DNM3: variants seen among roughly 807,000 people sequenced by gnomAD.
DNM3 encodes dynamin 3, also known as dynamin-3.
DNM3 carries 47 observed loss-of-function variants against 101.6 expected under a neutral mutation model. The ratio of observed to expected loss-of-function variants is 0.46; its 90% CI spans 0.37 to 0.59. The LOEUF is 0.59. Ranked by LOEUF, DNM3 falls within the 20% of genes least tolerant of loss-of-function variation. The pLI, the probability that DNM3 is intolerant of heterozygous loss-of-function variation, is 0.00. For missense variants in DNM3, 849 were observed against 1,085.7 expected (o/e 0.78, Z 3.06); for synonymous variants, 385 against 387.9 (o/e 0.99, Z 0.09).
At chr1:172,089,270 A>C (rs914232258) in intron 12 of DNM3, among the ~76,000 whole-genome samples, 1 of 152,210 alleles carries the variant, frequency 6.6e-6, no homozygotes, top group Admixed American at 6.5e-5. Context: ...AACAAGAACT[A>C]TACCTTATTC....
intron 15 of DNM3, among the ~76,000 whole-genome samples, chr1:172,305,017 A>T (rs563273290): frequency 1.1e-4 from 17 of 152,372 alleles, no homozygotes; most frequent in African/African-American, 4.1e-4. Flanking sequence ...GCAGAAGGCA[A>T]GAAATAACTA....
At chr1:172,065,103 A>G (rs1264491368) in intron 10 of DNM3, among the ~76,000 whole-genome samples, 1 of 152,136 alleles carries the variant, frequency 6.6e-6, no homozygotes, top group Non-Finnish European at 1.5e-5. Context: ...ACTTCATGGG[A>G]TATTCTTGTC....
chr1:172,263,118 T>C (rs1180285343), intron 15 of DNM3, among the ~76,000 whole-genome samples: 3 of 152,232 alleles, frequency 2.0e-5, no homozygotes, highest in Non-Finnish European at 4.4e-5. Flanking sequence ...TCATTATCAA[T>C]AGATTGTAGA....
intron 17 of DNM3, among the ~76,000 whole-genome samples, chr1:172,356,095 A>G (rs1011939236): frequency 6.6e-5 from 10 of 152,104 alleles, no homozygotes; most frequent in Non-Finnish European, 1.5e-4. Flanking sequence ...CTGAATACCT[A>G]GTTAAAGGAT....
chr1:172,055,364 A>G (rs1478405735), intron 10 of DNM3, among the ~76,000 whole-genome samples: 1 of 152,128 alleles, frequency 6.6e-6, no homozygotes, highest in African/African-American at 2.4e-5. Flanking sequence ...TGCCCCATAA[A>G]GCAGAGTCTT....
In DNM3 at chr1:172,137,343, G is replaced by A. The variant is rs550043493; in HGVS notation, c.1659+6055G>A. On this transcript the variant is annotated intron_variant, in intron 14 of 20. Transcript: ENST00000627582. ...TTTATTTAAGGCAAAAATCTGCATC[G>A]TGCAATGTATCTTGCAGAAGCAGAG... 3.3e-5 allele frequency: 5 copies of A among 152,220 alleles called. No homozygotes were observed. The South Asian group carries it at 6.2e-4, about 19-fold the overall frequency. The allele number at this position is 152,220 out of a possible 1,614,324, so 9.4% of individuals were successfully genotyped here.
At chr1:171,964,703 G>T (rs560378694) in intron 2 of DNM3, among the ~76,000 whole-genome samples, 1 of 152,040 alleles carries the variant, frequency 6.6e-6, no homozygotes, top group Non-Finnish European at 1.5e-5. Context: ...TTGATTCATG[G>T]TATTCTACCA....
At position 172,136,390 on chromosome 1, in the gene DNM3, A is replaced by G. The variant is rs549868579; in HGVS notation, c.1659+5102A>G. 3.9e-5 allele frequency: 6 copies of G among 152,234 alleles called. No individual in the cohort carries two copies. In the South Asian group the frequency reaches 1.2e-3, roughly 32 times the overall value. 9.4% of individuals were successfully genotyped at this position (152,234 alleles called of 1,614,324 possible). A position where few individuals can be genotyped will look rare whatever the true frequency, so the allele number is the denominator to read the frequency against. On this transcript the variant is annotated intron_variant, in intron 14 of 20. Coordinates refer to ENST00000627582, the MANE Select transcript of DNM3 (RefSeq NM_015569.5). ...TTCACTTATACTTTTAAGATTGTGC[A>G]TATTTCCTACCAGATCTGCACACTC...
At chr1:172,149,342 C>T (rs1195228628) in intron 14 of DNM3, among the ~76,000 whole-genome samples, 1 of 152,112 alleles carries the variant, frequency 6.6e-6, no homozygotes, top group Non-Finnish European at 1.5e-5. Context: ...TAGCATAATA[C>T]ATCCAGCAGA....
At chr1:172,387,742 AAACCAAGATGGACCT>A (rs2069277631) in intron 19 of DNM3, among the ~76,000 whole-genome samples, 1 of 151,958 alleles carries the variant, frequency 6.6e-6, no homozygotes, top group Non-Finnish European at 1.5e-5. Flanking sequence ...GTGCTTTCCT[AAACCAAGATGGACCT>A]ACAGAAAAAG....
At chr1:172,055,994 A>G (rs990899594) in intron 10 of DNM3, among the ~76,000 whole-genome samples, 1 of 152,170 alleles carries the variant, frequency 6.6e-6, no homozygotes, top group African/African-American at 2.4e-5. Context: ...TGCACCGTGC[A>G]CGAGCCGAAG....
At chr1:172,052,049 C>T (rs1001088760) in intron 10 of DNM3, among the ~76,000 whole-genome samples, 1 of 152,140 alleles carries the variant, frequency 6.6e-6, no homozygotes, top group African/African-American at 2.4e-5. Flanking sequence ...CCTGTGTTCT[C>T]CATGATAATG....
chr1:172,116,031 T>C (rs959076017), intron 13 of DNM3, among the ~76,000 whole-genome samples: 8 of 152,230 alleles, frequency 5.3e-5, no homozygotes, highest in African/African-American at 1.9e-4. Flanking sequence ...GATGGATGGA[T>C]GGATGGATCT....
chr1:171,923,108 T>C (rs1036734050), intron 2 of DNM3, among the ~76,000 whole-genome samples: 1 of 152,212 alleles, frequency 6.6e-6, no homozygotes. Flanking sequence ...TGTTTAATTG[T>C]TTAAGGAACT....
At chr1:172,313,574 C>T (rs2065171380) in intron 16 of DNM3, among the ~76,000 whole-genome samples, 1 of 152,190 alleles carries the variant, frequency 6.6e-6, no homozygotes, top group African/African-American at 2.4e-5. Flanking sequence ...AATCCACTCA[C>T]AGTTGGATCC....
chr1:172,191,751 C>G (rs969602759), intron 14 of DNM3, among the ~76,000 whole-genome samples: 2 of 151,990 alleles, frequency 1.3e-5, no homozygotes, highest in Non-Finnish European at 2.9e-5. Context: ...AAGTTGGATT[C>G]CTAGGTATTT....
chr1:171,972,590 C>T (rs935056909), intron 2 of DNM3, among the ~76,000 whole-genome samples: 3 of 152,188 alleles, frequency 2.0e-5, no homozygotes, highest in African/African-American at 4.8e-5. Context: ...TGGCTTATGC[C>T]TGTAATCCCA....
chr1:172,026,731 T>C (rs1001241099), intron 4 of DNM3, among the ~76,000 whole-genome samples: 34 of 151,932 alleles, frequency 2.2e-4, no homozygotes, highest in Admixed American at 2.0e-4. Flanking sequence ...GTTGGCTCAC[T>C]GCAAGCTCCG....
intron 2 of DNM3, among the ~76,000 whole-genome samples, chr1:171,924,095 G>T (rs570060280): frequency 6.6e-6 from 1 of 152,238 alleles, no homozygotes; most frequent in South Asian, 2.1e-4. Flanking sequence ...GTGGGCTTAG[G>T]TTGATTCCAT....
Sources: gnomAD v4.1 joint callset for allele counts (sites outside exome capture counted in the v4.1 genomes callset) on GRCh38, gnomAD v4.1.1 for gene constraint, MANE v1.5 for transcripts, NCBI Gene and HGNC (gene_info 2026-07-23, HGNC 2026-07-21) for gene names.